Variants in MKLN1 observed in about 807,000 individuals in gnomAD.
MKLN1 encodes muskelin 1, also known as muskelin.
A neutral mutation model predicts 99.0 loss-of-function variants in MKLN1; 18 were observed. The observed-to-expected ratio is 0.18, with a 90% CI of 0.13 to 0.27. MKLN1 has a LOEUF of 0.27. MKLN1 is among the 10% of genes least tolerant of loss of function. The pLI, the probability that MKLN1 is intolerant of heterozygous loss-of-function variation, is 1.00. For synonymous variants in MKLN1, 288 were observed against 293.2 expected (o/e 0.98, Z 0.18); for missense variants, 621 against 875.9 (o/e 0.71, Z 3.67).
At chr7:131,134,127 G>A (rs1795611883) in intron 1 of MKLN1, among the ~76,000 whole-genome samples, 1 of 152,058 alleles carries the variant, frequency 6.6e-6, no homozygotes. Flanking sequence ...AACGCGCCCG[G>A]CCAGCTGACT....
At chr7:131,322,634 A>G (rs544095494) in intron 3 of MKLN1, among the ~76,000 whole-genome samples, 40 of 143,216 alleles carry the variant, frequency 2.8e-4, no homozygotes, top group African/African-American at 9.4e-4. Flanking sequence ...GCAGTGGCGC[A>G]ATCTCGGCTC....
intron 2 of MKLN1, among the ~76,000 whole-genome samples, chr7:131,182,900 A>G (rs1381046431): frequency 5.3e-5 from 8 of 152,220 alleles, no homozygotes; most frequent in African/African-American, 1.9e-4. Context: ...TTACACATGC[A>G]TTGATCTTGA....
chr7:131,405,505 G>C (rs1363816181), intron 6 of MKLN1, among the ~76,000 whole-genome samples: 1 of 151,960 alleles, frequency 6.6e-6, no homozygotes, highest in Non-Finnish European at 1.5e-5. Flanking sequence ...AGATTAATTT[G>C]CTGTCTTTTT....
In MKLN1 at chr7:131,488,061, C is replaced by CT. The variant is rs200839609; in HGVS notation, c.*343dup. ...GTTTACCCTTTTCAGATTTTTATTT[C>CT]TTTTTTTTTTAATTGGGGGAAATAA... On this transcript the variant is annotated 3_prime_UTR_variant, in exon 18 of 18. Coordinates refer to ENST00000352689, the MANE Select transcript of MKLN1 (RefSeq NM_013255.5). The CT allele has an allele frequency of 3.2e-3, 476 of 146,712 alleles. 1 individual carries two copies. Among genetic ancestry groups the CT allele is most frequent in the African/African-American group, 0.011 (449 of 39,892 alleles). The allele number at this position is 146,712 out of a possible 1,614,324, so 9.1% of individuals were successfully genotyped here.
In MKLN1 at chr7:131,186,412, G is replaced by A. The variant is rs138471734; in HGVS notation, c.-296-16445G>A. ...AGCCCCAGCTGCTCAGGAGGCCAAC[G>A]TGGGAGGATTGCTTGAGACCAGGAG... On this transcript the variant is annotated intron_variant, in intron 2 of 7. Coordinates refer to the MKLN1 transcript ENST00000416992. Among the ~76,000 whole-genome samples the A allele has an allele frequency of 5.6e-4, 86 of 152,308 alleles. No individual in the cohort carries two copies. The East Asian group carries it at 0.014, about 24-fold the overall frequency.
intron 3 of MKLN1, among the ~76,000 whole-genome samples, chr7:131,223,131 A>G (rs752528852): frequency 9.2e-5 from 14 of 152,184 alleles, no homozygotes; most frequent in Non-Finnish European, 1.8e-4. Flanking sequence ...AAAGGATACT[A>G]CTTTGGGATC....
intron 9 of MKLN1, among the ~76,000 whole-genome samples, chr7:131,433,140 A>G (rs1365186800): frequency 6.6e-6 from 1 of 152,184 alleles, no homozygotes; most frequent in Non-Finnish European, 1.5e-5. Context: ...TTTTGGTGTC[A>G]TGCTTCTTTA....
intron 8 of MKLN1, among the ~76,000 whole-genome samples, chr7:131,427,422 G>GTACA (rs1584731457): frequency 6.6e-6 from 1 of 152,144 alleles, no homozygotes; most frequent in African/African-American, 2.4e-5. Flanking sequence ...TAGTTAGAGA[G>GTACA]TACATGACTT....
chr7:131,365,613 T>C (rs552994975), intron 1 of MKLN1, among the ~76,000 whole-genome samples: 1 of 152,304 alleles, frequency 6.6e-6, no homozygotes, highest in South Asian at 2.1e-4. Context: ...TCGAGTTGAT[T>C]TTTGTATATG....
chr7:131,326,614 G>A (rs1798895964), upstream of MKLN1, among the ~76,000 whole-genome samples: 3 of 152,184 alleles, frequency 2.0e-5, no homozygotes, highest in South Asian at 4.1e-4. Context: ...CAACGTGCTG[G>A]GATTACAGGT....
At chr7:131,425,844 C>T (rs1428776282) in intron 8 of MKLN1, among the ~76,000 whole-genome samples, 1 of 152,148 alleles carries the variant, frequency 6.6e-6, no homozygotes, top group Admixed American at 6.5e-5. Context: ...ACAGTTCTCT[C>T]CAATTATATC....
At chr7:131,156,196 G>C (rs2116299239) in intron 2 of MKLN1, among the ~76,000 whole-genome samples, 1 of 152,116 alleles carries the variant, frequency 6.6e-6, no homozygotes, top group Middle Eastern at 3.4e-3. Context: ...TAATACAATA[G>C]TTTATCATGA....
At chr7:131,437,549 G>A (rs1795709824) in intron 9 of MKLN1, among the ~76,000 whole-genome samples, 1 of 152,036 alleles carries the variant, frequency 6.6e-6, no homozygotes, top group Admixed American at 6.6e-5. Context: ...ATCTTTCCTG[G>A]TAGATTTTAA....
intron 3 of MKLN1, among the ~76,000 whole-genome samples, chr7:131,320,628 C>T (rs1584598514): frequency 6.6e-6 from 1 of 152,072 alleles, no homozygotes; most frequent in South Asian, 2.1e-4. Context: ...AAACTATCAC[C>T]AGAGTGAAAA....
At chr7:131,339,117 C>CTTCT (rs1216279678) in intron 1 of MKLN1, among the ~76,000 whole-genome samples, 1 of 152,116 alleles carries the variant, frequency 6.6e-6, no homozygotes, top group Non-Finnish European at 1.5e-5. Context: ...ATTGATAAGG[C>CTTCT]TTCTAGTCAA....
intron 12 of MKLN1, among the ~76,000 whole-genome samples, chr7:131,450,101 A>G (rs747547300): frequency 2.1e-4 from 32 of 152,076 alleles, no homozygotes; most frequent in Admixed American, 8.5e-4. Flanking sequence ...CTGCTTCACT[A>G]TGAACTAGTT....
chr7:131,167,851 G>A (rs1035618677), intron 2 of MKLN1, among the ~76,000 whole-genome samples: 6 of 152,086 alleles, frequency 3.9e-5, no homozygotes, highest in Non-Finnish European at 7.4e-5. Context: ...TAAAAGGATA[G>A]TTATGAAAGG....
At chr7:131,134,390 T>G (rs755906513) in intron 1 of MKLN1, among the ~76,000 whole-genome samples, 34 of 152,146 alleles carry the variant, frequency 2.2e-4, no homozygotes, top group Admixed American at 4.6e-4. Context: ...TTTCATTGTT[T>G]GTCTGCCCCC....
rs138713161 is a variant in MKLN1, at chr7:131,217,860, C to T, written c.-179+14886C>T. Among the ~76,000 whole-genome samples, 596 of 152,284 alleles carry T rather than the reference C, an allele frequency of 3.9e-3. 7 individuals are homozygous for T. The highest frequency in any genetic ancestry group is 0.013 in the African/African-American group (555 of 41,544). On this transcript the variant is annotated intron_variant, in intron 3 of 7. Coordinates refer to the MKLN1 transcript ENST00000416992. ...ACAGATTAATGTGTAATCGCCCAACCGGGTTCTTCTTGCCTGCTGCCCAGA... is the reference window on the plus strand; with the variant it reads ...ACAGATTAATGTGTAATCGCCCAACTGGGTTCTTCTTGCCTGCTGCCCAGA...
Sources: allele counts gnomAD v4.1 joint callset (sites outside exome capture counted in the v4.1 genomes callset), GRCh38; gene constraint gnomAD v4.1.1; transcripts MANE v1.5; gene names NCBI Gene and HGNC (gene_info 2026-07-23, HGNC 2026-07-21).